ARHGEF1: variants seen among roughly 807,000 people sequenced by gnomAD.
The protein encoded by ARHGEF1 is 115 kDa guanine nucleotide exchange factor.
In ARHGEF1, 40 loss-of-function variants were observed where a neutral mutation model predicts 119.7. That is an observed-to-expected ratio of 0.33 (90% CI 0.26 to 0.44). The LOEUF (loss-of-function observed/expected upper bound fraction) is 0.44. Ranked by LOEUF, ARHGEF1 falls within the 20% of genes least tolerant of loss-of-function variation. The pLI is 1.00. For missense variants in ARHGEF1, 976 were observed against 1,268.3 expected (o/e 0.77, Z 3.50); for synonymous variants, 494 against 521.0 (o/e 0.95, Z 0.71).
chr19:41,900,330 G>A (rs1261781173), intron 14 of ARHGEF1, among the ~76,000 whole-genome samples: 2 of 152,088 alleles, frequency 1.3e-5, no homozygotes, highest in Non-Finnish European at 2.9e-5. Flanking sequence ...GACAGAGCAA[G>A]ACTGTGTCTC....
intron 18 of ARHGEF1, among the ~76,000 whole-genome samples, chr19:41,913,705 A>C (rs1599673264): frequency 9.5e-5 from 10 of 105,786 alleles, no homozygotes; most frequent in African/African-American, 1.9e-4. Context: ...TCCCTCAGAC[A>C]CTCCCTCTCC....
chr19:41,899,670 C>T (rs940905876), intron 14 of ARHGEF1, among the ~76,000 whole-genome samples: 15 of 151,588 alleles, frequency 9.9e-5, no homozygotes, highest in African/African-American at 2.7e-4. Flanking sequence ...CCACCACGCC[C>T]GGCTAATTTT....
At chr19:41,923,135 T>G in exon 1 of ARHGEF1, 1 of 456,434 alleles carries the variant, frequency 2.2e-6, no homozygotes, top group Non-Finnish European at 4.4e-6. Flanking sequence ...ACTGCCATGA[T>G]GGATGCCCAT....
downstream of ARHGEF1, chr19:41,907,513 T>C: frequency 9.2e-7 from 1 of 1,091,728 alleles, no homozygotes; most frequent in Non-Finnish European, 1.3e-6. Flanking sequence ...TCTGTGACTG[T>C]CTGGCGTTGA....
chr19:41,927,002 G>A (rs1420546114), intron 1 of ARHGEF1, among the ~76,000 whole-genome samples: 1 of 152,102 alleles, frequency 6.6e-6, no homozygotes, highest in African/African-American at 2.4e-5. Context: ...GATAGATGCC[G>A]AGAAAGGAAG....
exon 1 of ARHGEF1, chr19:41,923,166 G>C (rs547666671): frequency 4.4e-6 from 2 of 456,484 alleles, no homozygotes; most frequent in South Asian, 3.1e-5. Flanking sequence ...TGGAAACTGA[G>C]GTTCTGACAG....
In ARHGEF1 at chr19:41,895,522, G is replaced by A. The variant is rs112056101; in HGVS notation, c.1015+36G>A. On this transcript the variant is annotated intron_variant, in intron 12 of 28. Coordinates refer to ENST00000354532, the MANE Select transcript of ARHGEF1 (RefSeq NM_004706.4). Reference sequence around the variant, plus strand: ...CCTGGGCCAGGGCTCCATGAGGCCCGGCGATCCAGGGTGGGGGTGCTGCCT... The same window carrying A: ...CCTGGGCCAGGGCTCCATGAGGCCCAGCGATCCAGGGTGGGGGTGCTGCCT... 810 of 1,556,502 alleles carry A rather than the reference G, an allele frequency of 5.2e-4. 6 individuals are homozygous for A. The African/African-American group carries it at 8.9e-3, about 17-fold the overall frequency.
chr19:41,885,195 C>T (rs2074275296), intron 1 of ARHGEF1, among the ~76,000 whole-genome samples: 1 of 152,120 alleles, frequency 6.6e-6, no homozygotes. Flanking sequence ...ATTCTCCAGC[C>T]TTTGTGGGAC....
downstream of ARHGEF1, among the ~76,000 whole-genome samples, chr19:41,911,133 T>A (rs558646485): frequency 1.8e-4 from 27 of 152,238 alleles, no homozygotes; most frequent in African/African-American, 6.5e-4. Context: ...GGCACCCACA[T>A]GTCAGCACTG....
In ARHGEF1 at chr19:41,902,018, C is replaced by G. The variant is rs1300894398; in HGVS notation, c.1399C>G (p.Leu467Val). The change falls in exon 15 of 29, where the codon CTC (leucine) becomes GTC (valine). Residue 467 changes from leucine to valine, a missense_variant. By Grantham distance (32) the Leu-to-Val change is conservative. Transcript: ENST00000354532. This position sits in a 1 kb window ranked among gnomAD's most constrained non-coding sequence, Gnocchi z 6.5. The part of the protein sequence containing the change: ...LQNIFPSLDE[L>V]IEVHSLFLDR... ...GAACATCTTCCCCAGCCTGGACGAG[C>G]TCATCGAGGTGCATTGTGAGTGCAG... 9 of 1,613,894 alleles carry G rather than the reference C, an allele frequency of 5.6e-6. No individual in the cohort carries two copies. The highest frequency in any genetic ancestry group is 1.3e-5 in the African/African-American group (1 of 74,926).
At chr19:41,918,757 A>G (rs1555852158), upstream of ARHGEF1, among the ~76,000 whole-genome samples, 1 of 148,160 alleles carries the variant, frequency 6.7e-6, no homozygotes, top group African/African-American at 2.5e-5. Flanking sequence ...CACACACCAC[A>G]TATACATCTA....
At chr19:41,920,237 G>A (rs143290450), upstream of ARHGEF1, among the ~76,000 whole-genome samples, 796 of 107,852 alleles carry the variant, frequency 7.4e-3, 9 homozygotes, top group African/African-American at 0.022. Context: ...CAGACGTGAC[G>A]TGCTCAGACG....
rs782770189 is a variant in ARHGEF1 at position 41,902,544 on chromosome 19, T to G, written c.1509T>G (p.Ala503=). 2 of 1,614,148 alleles carry G rather than the reference T, an allele frequency of 1.2e-6. No homozygotes were observed. The highest frequency in any genetic ancestry group is 1.7e-6 in the Non-Finnish European group (2 of 1,180,030). ...GDVLLARFDG[A]EGSWFQKISS... ...GAATCTCGCTGTAGTTTGATGGTGC[T>G]GAGGGCTCCTGGTTCCAGAAAATCT... is the stretch of plus-strand genomic sequence containing the variant. Residue 503 remains alanine, a synonymous_variant, in exon 17 of 29, where the codon GCT becomes GCG. Transcript: ENST00000354532. This position sits in a 1 kb window ranked among gnomAD's most constrained non-coding sequence, Gnocchi z 6.5.
intron 18 of ARHGEF1, among the ~76,000 whole-genome samples, chr19:41,915,164 G>A (rs1486327185): frequency 3.3e-5 from 3 of 90,304 alleles, no homozygotes; most frequent in Non-Finnish European, 6.0e-5. Context: ...TCTCATTTCC[G>A]TGTTGGTTTT....
intron 18 of ARHGEF1, among the ~76,000 whole-genome samples, chr19:41,918,034 CT>C (rs1334135268): frequency 2.0e-5 from 3 of 151,918 alleles, no homozygotes; most frequent in Non-Finnish European, 4.4e-5. Flanking sequence ...GACCCTGTGC[CT>C]GTCTTGGAGA....
In ARHGEF1 at chr19:41,897,876, T is replaced by C. The variant is rs2074538588; in HGVS notation, c.1122-566T>C. The C allele has an allele frequency of 6.3e-6, 8 of 1,269,564 alleles. 1 individual carries two copies. The South Asian group carries it at 1.8e-4, about 28-fold the overall frequency. The allele number at this position is 1,269,564 out of a possible 1,614,324, so 78.6% of individuals were successfully genotyped here. On this transcript the variant is annotated intron_variant, in intron 13 of 28. Coordinates refer to ENST00000354532, the MANE Select transcript of ARHGEF1 (RefSeq NM_004706.4). Reference sequence around the variant, plus strand: ...TGTCCTGGTTTCTCTTCGTCTCTGTTCTTGTCTTGGTCTCTCCTTGTCTCT... The same window carrying C: ...TGTCCTGGTTTCTCTTCGTCTCTGTCCTTGTCTTGGTCTCTCCTTGTCTCT...
At chr19:41,897,230 G>A in intron 13 of ARHGEF1, 2 of 1,261,144 alleles carry the variant, frequency 1.6e-6, no homozygotes, top group Non-Finnish European at 2.1e-6. Context: ...TTGTGCCGCT[G>A]CTTTGGGGAC....
intron 13 of ARHGEF1, chr19:41,896,757 C>T (rs1555847776): frequency 5.7e-5 from 34 of 599,116 alleles, no homozygotes; most frequent in Non-Finnish European, 1.0e-4. Flanking sequence ...TCCTCCCTTC[C>T]TCTCCACCAC....
chr19:41,924,656 T>C (rs1223658653), intron 1 of ARHGEF1, among the ~76,000 whole-genome samples: 1 of 152,122 alleles, frequency 6.6e-6, no homozygotes, highest in Non-Finnish European at 1.5e-5. Flanking sequence ...CTGATGCACA[T>C]TGAAGTCAGA....
Sources: gnomAD v4.1 joint callset for allele counts (sites outside exome capture counted in the v4.1 genomes callset) on GRCh38, gnomAD v4.1.1 for gene constraint, Gnocchi (gnomAD v3.1) non-coding constraint, MANE v1.5 for transcripts, NCBI Gene and HGNC (gene_info 2026-07-23, HGNC 2026-07-21) for gene names.